The following CDYL2 variants were observed in gnomAD, a reference collection of about 807,000 sequenced individuals.
The protein encoded by CDYL2 is chromodomain Y like 2.
Under a neutral mutation model 49.4 loss-of-function variants are expected in CDYL2, and 23 were observed. That is an observed-to-expected ratio of 0.47 (90% CI 0.34 to 0.66). The LOEUF is 0.66. CDYL2 is among the 30% of genes least tolerant of loss of function. The pLI is 0.01. For missense variants in CDYL2, 678 were observed against 656.4 expected (o/e 1.03, Z -0.36); for synonymous variants, 360 against 268.8 (o/e 1.34, Z -3.32).
At chr16:80,788,104 C>G (rs1231172276) in intron 1 of CDYL2, among the ~76,000 whole-genome samples, 2 of 152,158 alleles carry the variant, frequency 1.3e-5, no homozygotes, top group Admixed American at 6.5e-5. Context: ...GGAAAAAAAG[C>G]ACATGAAAAA....
chr16:80,804,099 CCCG>C (rs1908020787), intron 1 of CDYL2, 48 bp downstream of exon 1: 8 of 996,934 alleles, frequency 8.0e-6, no homozygotes, highest in East Asian at 1.1e-4. Flanking sequence ...GCCGCCGCCG[CCCG>C]CCGCCGCCCG....
chr16:80,669,473 C>T (rs975778269), intron 2 of CDYL2, among the ~76,000 whole-genome samples: 4 of 152,020 alleles, frequency 2.6e-5, no homozygotes, highest in South Asian at 2.1e-4. Flanking sequence ...GACAAGGAGC[C>T]GCGTCAAGCA....
At chr16:80,739,577 C>T (rs558662745) in intron 1 of CDYL2, among the ~76,000 whole-genome samples, 2 of 152,300 alleles carry the variant, frequency 1.3e-5, no homozygotes, top group East Asian at 3.9e-4. Flanking sequence ...CGGGCACCAG[C>T]AGTCCCAGGA....
intron 2 of CDYL2, among the ~76,000 whole-genome samples, chr16:80,680,724 TA>T (rs1909936096): frequency 1.3e-5 from 2 of 151,838 alleles, no homozygotes; most frequent in Admixed American, 6.6e-5. Context: ...ATCCAGGGAG[TA>T]AAGATGGATC....
At chr16:80,677,367 C>A (rs1909793503) in intron 2 of CDYL2, among the ~76,000 whole-genome samples, 1 of 152,132 alleles carries the variant, frequency 6.6e-6, no homozygotes, top group Admixed American at 6.5e-5. Context: ...ATGATGTTAT[C>A]TAGGTTTTCA....
At chr16:80,639,254 C>G (rs915371547) in intron 2 of CDYL2, among the ~76,000 whole-genome samples, 2 of 152,178 alleles carry the variant, frequency 1.3e-5, no homozygotes, top group African/African-American at 4.8e-5. Context: ...TGCTGGTGGG[C>G]ATATAAGATG....
chr16:80,607,298 T>C (rs538885276), intron 6 of CDYL2, among the ~76,000 whole-genome samples: 1 of 151,420 alleles, frequency 6.6e-6, no homozygotes, highest in East Asian at 1.9e-4. Context: ...TTAAACACAG[T>C]AGGTGCCAAC....
chr16:80,795,940 T>C (rs1331567094), intron 1 of CDYL2, among the ~76,000 whole-genome samples: 1 of 152,214 alleles, frequency 6.6e-6, no homozygotes, highest in Non-Finnish European at 1.5e-5. Context: ...TTTATAGAAG[T>C]TCAAAAGATT....
At chr16:80,746,537 A>G (rs560318633) in intron 1 of CDYL2, among the ~76,000 whole-genome samples, 10 of 152,344 alleles carry the variant, frequency 6.6e-5, no homozygotes, top group Admixed American at 2.6e-4. Flanking sequence ...AGTACTGAAG[A>G]CAGGAAAAGT....
chr16:80,662,056 C>T (rs1231087287), intron 2 of CDYL2, among the ~76,000 whole-genome samples: 1 of 152,194 alleles, frequency 6.6e-6, no homozygotes, highest in African/African-American at 2.4e-5. Context: ...ATTCACCTCA[C>T]TCACAGATCA....
chr16:80,779,197 T>TA lies in CDYL2; in HGVS notation c.24+24952dup, dbSNP rs542793467. 5.1e-3 allele frequency among the ~76,000 whole-genome samples: 771 copies of TA among 152,130 alleles called. 2 individuals are homozygous for TA. The highest frequency in any genetic ancestry group is 0.014 in the Middle Eastern group (4 of 294). On this transcript the variant is annotated intron_variant, in intron 1 of 6. Transcript: ENST00000570137. ...CATAAATGTTTAAATTACTCTCCTT[T>TA]AAAAAATCCACAATAGGCAAAATGA... is the stretch of plus-strand genomic sequence containing the variant.
intron 2 of CDYL2, among the ~76,000 whole-genome samples, chr16:80,675,828 C>T (rs550141506): frequency 1.6e-3 from 239 of 152,230 alleles, no homozygotes; most frequent in African/African-American, 5.4e-3. Flanking sequence ...GGGAGGATCG[C>T]TTCCACTCCC....
chr16:80,783,914 A>G (rs1258478186), intron 1 of CDYL2, among the ~76,000 whole-genome samples: 2 of 152,238 alleles, frequency 1.3e-5, no homozygotes, highest in South Asian at 2.1e-4. Flanking sequence ...AGCAAGTGAC[A>G]CTTAATAGGC....
At chr16:80,643,795 G>T (rs375792252) in intron 2 of CDYL2, among the ~76,000 whole-genome samples, 6 of 152,300 alleles carry the variant, frequency 3.9e-5, no homozygotes, top group African/African-American at 1.4e-4. Flanking sequence ...ACAGCAACAG[G>T]ACCCCGGGCC....
At chr16:80,649,765 G>A (rs983490790) in intron 2 of CDYL2, among the ~76,000 whole-genome samples, 5 of 152,138 alleles carry the variant, frequency 3.3e-5, no homozygotes, top group African/African-American at 1.2e-4. Flanking sequence ...CATAAAAACA[G>A]ATACAGAGAT....
intron 4 of CDYL2, 90 bp downstream of exon 4, chr16:80,620,673 T>C (rs1907038843): frequency 8.0e-6 from 10 of 1,250,820 alleles, no homozygotes; most frequent in Middle Eastern, 2.1e-4. Flanking sequence ...TTCCTGGTTG[T>C]TTGAAATTCG....
intron 1 of CDYL2, among the ~76,000 whole-genome samples, chr16:80,763,238 T>G (rs1186661456): frequency 6.6e-6 from 1 of 151,874 alleles, no homozygotes; most frequent in Non-Finnish European, 1.5e-5. Context: ...ATAAAGGTAA[T>G]GAGAACCACA....
chr16:80,665,431 C>T (rs16944302), intron 2 of CDYL2, among the ~76,000 whole-genome samples: 3,715 of 145,488 alleles, frequency 0.026, 166 homozygotes, highest in African/African-American at 0.091. Context: ...CTCAACAGAT[C>T]TTGTGACCAG....
intron 1 of CDYL2, among the ~76,000 whole-genome samples, chr16:80,721,541 G>C (rs1257385607): frequency 6.6e-6 from 1 of 152,176 alleles, no homozygotes; most frequent in Admixed American, 6.5e-5. Context: ...TGCCTTGTCT[G>C]CAGGAGCCCA....
Sources: gnomAD v4.1 joint callset for allele counts (sites outside exome capture counted in the v4.1 genomes callset) on GRCh38, gnomAD v4.1.1 for gene constraint, MANE v1.5 for transcripts, NCBI Gene and HGNC (gene_info 2026-07-23, HGNC 2026-07-21) for gene names.